Variants in ADCK1 observed in about 807,000 individuals in gnomAD.
ADCK1 encodes the protein aarF domain containing kinase 1, also known as aarF domain-containing protein kinase 1.
In ADCK1, 41 loss-of-function variants were observed where a neutral mutation model predicts 52.3. The observed-to-expected ratio is 0.78, with a 90% CI of 0.61 to 1.02. The LOEUF (loss-of-function observed/expected upper bound fraction) is 1.02, where lower values mean the gene tolerates loss of function less well. Ranked by LOEUF, ADCK1 falls within the 50% of genes least tolerant of loss-of-function variation. ADCK1 has a pLI of 0.00. For missense variants in ADCK1, 658 were observed against 679.5 expected (o/e 0.97, Z 0.35); for synonymous variants, 250 against 274.6 (o/e 0.91, Z 0.89).
At chr14:77,856,205 G>A (rs1183442628) in intron 3 of ADCK1, among the ~76,000 whole-genome samples, 1 of 152,020 alleles carries the variant, frequency 6.6e-6, no homozygotes, top group Non-Finnish European at 1.5e-5. Context: ...GCAAGATTCT[G>A]TGTCCAGAAA....
intron 5 of ADCK1, among the ~76,000 whole-genome samples, chr14:77,898,646 G>A (rs1284925403): frequency 6.6e-6 from 1 of 152,088 alleles, no homozygotes; most frequent in African/African-American, 2.4e-5. Context: ...GTTGGGCGAC[G>A]GTTGGGGGGT....
At chr14:77,828,035 A>G in intron 3 of ADCK1, 2 of 238,636 alleles carry the variant, frequency 8.4e-6, no homozygotes, top group Non-Finnish European at 1.7e-5. Flanking sequence ...TTACTGTATT[A>G]GCCAGAATGA....
intron 1 of ADCK1, among the ~76,000 whole-genome samples, chr14:77,815,942 A>G (rs551642551): frequency 2.0e-4 from 31 of 151,294 alleles, no homozygotes; most frequent in African/African-American, 6.1e-4. Context: ...TAGCCTCCCA[A>G]GTAGCTGGGA....
chr14:77,861,178 A>G (rs541260163), intron 4 of ADCK1, among the ~76,000 whole-genome samples: 23 of 152,236 alleles, frequency 1.5e-4, no homozygotes, highest in Non-Finnish European at 1.6e-4. Context: ...CCCCTGAGGA[A>G]ATGGGCTACT....
chr14:77,810,477 TA>T (rs1265830401), intron 1 of ADCK1, among the ~76,000 whole-genome samples: 2 of 151,906 alleles, frequency 1.3e-5, no homozygotes, highest in Non-Finnish European at 2.9e-5. Flanking sequence ...CATAGATAAT[TA>T]TGCAGAAGCT....
chr14:77,851,582 G>A (rs944030662), intron 3 of ADCK1, among the ~76,000 whole-genome samples: 1 of 151,814 alleles, frequency 6.6e-6, no homozygotes, highest in African/African-American at 2.4e-5. Context: ...TTTTGGATTG[G>A]GTATTTTTCA....
intron 6 of ADCK1, among the ~76,000 whole-genome samples, chr14:77,904,219 A>G (rs527799515): frequency 1.3e-5 from 2 of 152,300 alleles, no homozygotes; most frequent in African/African-American, 4.8e-5. Context: ...AGCAGCTGCT[A>G]GTGTCTGGTT....
chr14:77,865,651 G>A lies in ADCK1; in HGVS notation c.423+6372G>A, dbSNP rs537967958. On this transcript the variant is annotated intron_variant, in intron 4 of 10. Coordinates refer to ENST00000238561, the MANE Select transcript of ADCK1 (RefSeq NM_020421.4). ...GTGTACCCTCGGTCTGCTTTCACAC[G>A]GCCTGGAGCTTCATAGCGAGCCTTG... is the stretch of plus-strand genomic sequence containing the variant. Among the ~76,000 whole-genome samples the A allele has an allele frequency of 1.6e-4, 25 of 152,278 alleles. No homozygotes were observed. The South Asian group carries it at 3.1e-3, about 19-fold the overall frequency.
At chr14:77,844,552 G>T (rs1329469670) in intron 3 of ADCK1, among the ~76,000 whole-genome samples, 1 of 152,210 alleles carries the variant, frequency 6.6e-6, no homozygotes, top group Non-Finnish European at 1.5e-5. Context: ...AGTGTGGGGA[G>T]CCGGCCCCGT....
chr14:77,857,911 C>G (rs2082455400), intron 3 of ADCK1, among the ~76,000 whole-genome samples: 1 of 152,110 alleles, frequency 6.6e-6, no homozygotes, highest in Admixed American at 6.5e-5. Context: ...TGCCCATGGC[C>G]CCATCCTGCC....
At chr14:77,915,476 C>T (rs61990753) in intron 7 of ADCK1, among the ~76,000 whole-genome samples, 35,891 of 151,754 alleles carry the variant, frequency 0.24, 4,512 homozygotes, top group East Asian at 0.33. Flanking sequence ...TTTATTGTGG[C>T]ACTATTCACA....
Position 77,912,225 on chromosome 14 carries a change from G to A in ADCK1, c.858+4306G>A, listed in dbSNP as rs182924200. On this transcript the variant is annotated intron_variant, in intron 7 of 10. Coordinates refer to ENST00000238561, the MANE Select transcript of ADCK1 (RefSeq NM_020421.4). ...CTTTTAGGCTTTGCATGACTTGGTA[G>A]CTCTTTGGCAGTCTGAGATGATGTT... Among the ~76,000 whole-genome samples the A allele has an allele frequency of 7.9e-5, 12 of 152,254 alleles. 1 individual carries two copies. The highest frequency in any genetic ancestry group is 1.3e-4 in the Admixed American group (2 of 15,290).
At chr14:77,862,723 A>G (rs1254317082) in intron 4 of ADCK1, among the ~76,000 whole-genome samples, 2 of 152,152 alleles carry the variant, frequency 1.3e-5, no homozygotes, top group East Asian at 3.9e-4. Context: ...CTGCTGGTCT[A>G]CGCGGTTGGC....
In ADCK1 at chr14:77,925,880, C is replaced by T. The variant is rs780209045; in HGVS notation, c.1125C>T (p.Pro375=). The T allele has an allele frequency of 2.5e-6, 4 of 1,614,236 alleles. No homozygotes were observed. The highest frequency in any genetic ancestry group is 1.3e-5 in the African/African-American group (1 of 75,058). The change falls in exon 9 of 11, where the codon CCC becomes CCT. Residue 375 remains proline (P), a synonymous_variant. Coordinates refer to ENST00000238561, the MANE Select transcript of ADCK1 (RefSeq NM_020421.4). ...GACTGGGAGCCGGGGATCTCTACCC[C>T]TTGTTTGCCTGCATGCTGACGGCGC... ...SQRLGAGDLY[P]LFACMLTARS...
At chr14:77,914,637 T>C (rs2083875096) in intron 7 of ADCK1, 1 of 970,240 alleles carries the variant, frequency 1.0e-6, no homozygotes, top group South Asian at 4.8e-5. Flanking sequence ...AGATTGTGTA[T>C]TGGCTGGTGC....
intron 7 of ADCK1, among the ~76,000 whole-genome samples, chr14:77,910,284 A>G (rs1452217647): frequency 2.0e-5 from 3 of 152,028 alleles, no homozygotes; most frequent in East Asian, 3.9e-4. Flanking sequence ...TCATCCTTCT[A>G]TTTTACAGAT....
chr14:77,852,897 ATATATATATATTTTTTTTTT>A (rs1290192532), intron 3 of ADCK1, among the ~76,000 whole-genome samples: 14 of 34,726 alleles, frequency 4.0e-4, no homozygotes, highest in Admixed American at 6.9e-4. Context: ...ATATATATAT[ATATATATATATTTTTTTTTT>A]TTTTTTTTTT....
chr14:77,836,752 C>T (rs1007241894), intron 3 of ADCK1, among the ~76,000 whole-genome samples: 1 of 148,796 alleles, frequency 6.7e-6, no homozygotes, highest in Non-Finnish European at 1.5e-5. Flanking sequence ...TCTATCTCCT[C>T]TACCTTTTCT....
chr14:77,904,560 A>G (rs886305041), intron 6 of ADCK1, among the ~76,000 whole-genome samples: 9 of 152,262 alleles, frequency 5.9e-5, no homozygotes, highest in African/African-American at 1.4e-4. Flanking sequence ...TGACCAAAGC[A>G]TAGAAACAAA....
Sources: gnomAD v4.1 joint callset for allele counts (sites outside exome capture counted in the v4.1 genomes callset) on GRCh38, gnomAD v4.1.1 for gene constraint, MANE v1.5 for transcripts, NCBI Gene and HGNC (gene_info 2026-07-23, HGNC 2026-07-21) for gene names.